Variants in EEIG1 observed in about 807,000 individuals in gnomAD.
The protein encoded by EEIG1 is estrogen-induced osteoclastogenesis regulator 1.
At chr9:127,945,546 G>A in the EEIG1 span, 1 of 1,564,180 alleles carries the variant, frequency 6.4e-7, no homozygotes, top group Non-Finnish European at 8.7e-7. This position sits in a 1 kb window ranked among gnomAD's most constrained non-coding sequence, Gnocchi z 6.5. Flanking sequence ...AGGAGCGCGA[G>A]TGCTCTGTGC....
chr9:127,949,981 C>T, the EEIG1 span, among the ~76,000 whole-genome samples: 5 of 152,184 alleles, frequency 3.3e-5, no homozygotes, highest in African/African-American at 1.2e-4. Flanking sequence ...AGGAGCTGGG[C>T]CAAGAAGTCA....
chr9:127,953,721 C>T, the EEIG1 span: 2 of 1,611,190 alleles, frequency 1.2e-6, no homozygotes, highest in Admixed American at 1.7e-5. Flanking sequence ...AGCAACTCAC[C>T]CCATTTTCAG....
chr9:127,947,312 T>C, the EEIG1 span, among the ~76,000 whole-genome samples: 1 of 149,668 alleles, frequency 6.7e-6, no homozygotes, highest in Non-Finnish European at 1.5e-5. Context: ...GGCGCTCGCC[T>C]GTAGTCCCAG....
the EEIG1 span, among the ~76,000 whole-genome samples, chr9:127,962,829 G>C: frequency 4.9e-4 from 74 of 152,222 alleles, 1 homozygote; most frequent in African/African-American, 1.8e-3. Context: ...AGGGGTTGGA[G>C]ACCAGCCTGG....
At chr9:127,945,696 C>A in the EEIG1 span, 1 of 1,592,832 alleles carries the variant, frequency 6.3e-7, no homozygotes, top group Non-Finnish European at 8.5e-7. This position sits in a 1 kb window ranked among gnomAD's most constrained non-coding sequence, Gnocchi z 6.5. Context: ...GCGGGAGTGG[C>A]CAGAGTGGAA....
the EEIG1 span, among the ~76,000 whole-genome samples, chr9:127,957,448 C>A: frequency 3.3e-5 from 5 of 152,076 alleles, no homozygotes; most frequent in African/African-American, 1.2e-4. Flanking sequence ...CAAAACATTG[C>A]TGAAAGACAT....
chr9:127,948,407 A>G, the EEIG1 span: 7 of 1,613,932 alleles, frequency 4.3e-6, no homozygotes, highest in African/African-American at 1.3e-5. Context: ...GAACATACCA[A>G]TGGTGACCTG....
At chr9:127,950,823 G>C in the EEIG1 span, 1 of 600,818 alleles carries the variant, frequency 1.7e-6, no homozygotes, top group Non-Finnish European at 2.4e-6. Flanking sequence ...TGACATGAAA[G>C]GACATTGTTG....
At chr9:127,951,511 T>C in the EEIG1 span, among the ~76,000 whole-genome samples, 6 of 152,036 alleles carry the variant, frequency 3.9e-5, no homozygotes, top group East Asian at 7.7e-4. Flanking sequence ...CCCCATTTTA[T>C]AGATGAGAAA....
At chr9:127,968,811 C>T in the EEIG1 span, among the ~76,000 whole-genome samples, 18 of 152,216 alleles carry the variant, frequency 1.2e-4, no homozygotes, top group African/African-American at 4.3e-4. Context: ...TTCATCAGTT[C>T]CCCAAGATTC....
At chr9:127,945,380 C>T in the EEIG1 span, 59 of 1,585,646 alleles carry the variant, frequency 3.7e-5, no homozygotes, top group Middle Eastern at 1.1e-3. This position sits in a 1 kb window ranked among gnomAD's most constrained non-coding sequence, Gnocchi z 6.5. Context: ...AAAGAGCGAT[C>T]GGACAGATGC....
chr9:127,979,900 C>A, the EEIG1 span: 1 of 1,443,104 alleles, frequency 6.9e-7, no homozygotes, highest in Non-Finnish European at 9.3e-7. Flanking sequence ...ATCCTCCTCA[C>A]ACCGGCCCCA....
the EEIG1 span, among the ~76,000 whole-genome samples, chr9:127,975,410 C>T: frequency 6.6e-6 from 1 of 152,208 alleles, no homozygotes; most frequent in African/African-American, 2.4e-5. Flanking sequence ...CTCCAAGTCA[C>T]AGGCTGTCTG....
chr9:127,943,160 C>G, the EEIG1 span: 2 of 1,611,006 alleles, frequency 1.2e-6, no homozygotes, highest in South Asian at 2.2e-5. Context: ...CCAGAGAAAG[C>G]AGGACTCTTC....
chr9:127,965,148 A>C, the EEIG1 span, among the ~76,000 whole-genome samples: 1 of 140,786 alleles, frequency 7.1e-6, no homozygotes, highest in Admixed American at 7.2e-5. Context: ...AAAAAAAACC[A>C]AAAACCAAAA....
chr9:127,944,625 G>A, the EEIG1 span: 2 of 1,611,458 alleles, frequency 1.2e-6, no homozygotes, highest in Non-Finnish European at 1.7e-6. Flanking sequence ...CTGGTGGCAA[G>A]CTGGATGCCG....
the EEIG1 span, among the ~76,000 whole-genome samples, chr9:127,974,017 C>T: frequency 6.6e-6 from 1 of 152,226 alleles, no homozygotes; most frequent in Non-Finnish European, 1.5e-5. Flanking sequence ...CATGCAATCA[C>T]AAATGACTGG....
At chr9:127,968,533 C>T in the EEIG1 span, among the ~76,000 whole-genome samples, 2 of 152,126 alleles carry the variant, frequency 1.3e-5, no homozygotes, top group Non-Finnish European at 2.9e-5. Context: ...AAATGAGCGC[C>T]CTTCATACCC....
chr9:127,961,795 C>T, the EEIG1 span, among the ~76,000 whole-genome samples: 5 of 148,736 alleles, frequency 3.4e-5, no homozygotes, highest in South Asian at 4.3e-4. Flanking sequence ...AAGAGCAATC[C>T]GGGCACGAGG....
Sources: allele counts gnomAD v4.1 joint callset (sites outside exome capture counted in the v4.1 genomes callset), GRCh38; gene constraint gnomAD v4.1.1; non-coding constraint Gnocchi (gnomAD v3.1); transcripts MANE v1.5; gene names NCBI Gene and HGNC (gene_info 2026-07-23, HGNC 2026-07-21).